The following DOCK3 variants were observed in gnomAD, a reference collection of about 807,000 sequenced individuals.
The protein encoded by DOCK3 is dedicator of cytokinesis protein 3.
A neutral mutation model predicts 265.6 loss-of-function variants in DOCK3; 60 were observed. The observed-to-expected ratio is 0.23, with a 90% CI of 0.18 to 0.28. The LOEUF is 0.28. Ranked by LOEUF, DOCK3 falls within the 10% of genes least tolerant of loss-of-function variation. The pLI is 1.00. For synonymous variants in DOCK3, 881 were observed against 938.0 expected, an observed-to-expected ratio of 0.94 and a Z score of 1.11; for missense variants, 1,981 against 2,594.3, an observed-to-expected ratio of 0.76 and a Z score of 5.14.
rs2086751853 is a variant in DOCK3 at position 51,361,739 on chromosome 3, GA to G, written c.5007-118del. 3 of 1,358,786 alleles carry G rather than the reference GA, an allele frequency of 2.2e-6. No individual in the cohort carries two copies. The South Asian group carries it at 4.3e-5, about 19-fold the overall frequency. 84.2% of individuals were successfully genotyped at this position (1,358,786 alleles called of 1,614,324 possible). On this transcript the variant is annotated intron_variant, in intron 47 of 52. Coordinates refer to ENST00000266037, the MANE Select transcript of DOCK3 (RefSeq NM_004947.5). This position sits in a 1 kb window ranked among gnomAD's most constrained non-coding sequence, Gnocchi z 4.2. ...CAGATGGGTATGAGCATTGACTATG[GA>G]ACCCTCCAAACCGGTGGTAGCTGAA... is the stretch of plus-strand genomic sequence containing the variant.
chr3:51,203,972 C>T (rs1464665996), intron 12 of DOCK3, among the ~76,000 whole-genome samples: 2 of 152,188 alleles, frequency 1.3e-5, no homozygotes, highest in African/African-American at 4.8e-5. Context: ...ATGTAGAAAG[C>T]TGAAACTGGA....
At chr3:51,090,685 G>A (rs1398786204) in intron 9 of DOCK3, among the ~76,000 whole-genome samples, 3 of 152,140 alleles carry the variant, frequency 2.0e-5, no homozygotes, top group Admixed American at 6.6e-5. Context: ...AAAGGCATAG[G>A]AGAAACATAG....
intron 5 of DOCK3, among the ~76,000 whole-genome samples, chr3:50,972,265 T>C (rs2077261577): frequency 1.3e-5 from 2 of 152,214 alleles, no homozygotes; most frequent in South Asian, 4.1e-4. Context: ...CTAATCGCCC[T>C]AGAATAGGCA....
chr3:51,075,000 C>T lies in DOCK3; in HGVS notation c.465-356C>T, dbSNP rs151081067. Among the ~76,000 whole-genome samples, 62 of 152,110 alleles carry T rather than the reference C, an allele frequency of 4.1e-4. No homozygotes were observed. The East Asian group carries it at 9.1e-3, about 22-fold the overall frequency. The stretch of plus-strand genomic sequence containing the variant: ...CTAATGAAACTAATGCATAACTAAA[C>T]CTTGAGCATAGCTGTCAGATGGGGA... On this transcript the variant is annotated intron_variant, in intron 6 of 52. Coordinates refer to ENST00000266037, the MANE Select transcript of DOCK3 (RefSeq NM_004947.5).
At chr3:50,915,377 G>A (rs185695397) in intron 4 of DOCK3, among the ~76,000 whole-genome samples, 3 of 152,136 alleles carry the variant, frequency 2.0e-5, no homozygotes, top group African/African-American at 7.2e-5. Flanking sequence ...GCTGTTGTTT[G>A]GTCCCTGGAG....
At chr3:50,718,087 T>G (rs2037240984) in intron 1 of DOCK3, among the ~76,000 whole-genome samples, 1 of 152,202 alleles carries the variant, frequency 6.6e-6, no homozygotes, top group Non-Finnish European at 1.5e-5. Flanking sequence ...TTAATCTGCC[T>G]CTCACCTTCT....
At chr3:50,982,444 G>A (rs567039767) in intron 5 of DOCK3, among the ~76,000 whole-genome samples, 1 of 152,254 alleles carries the variant, frequency 6.6e-6, no homozygotes, top group African/African-American at 2.4e-5. Flanking sequence ...CAGTGGGGAG[G>A]TGCAAGCAGT....
Position 51,089,297 on chromosome 3 carries a change from C to T in DOCK3, c.591+13C>T. On this transcript the variant is annotated intron_variant, in intron 8 of 52. Transcript: ENST00000266037. Reference sequence around the variant, plus strand: ...AAGCACATCCCAGGTAAGCGGCTTTCCTGGGTCTTCCAGCCTTTCCCCTCA... The same window carrying T: ...AAGCACATCCCAGGTAAGCGGCTTTTCTGGGTCTTCCAGCCTTTCCCCTCA... 1 of 1,606,536 alleles carries T rather than the reference C, an allele frequency of 6.2e-7. No homozygotes were observed. The highest frequency in any genetic ancestry group is 8.5e-7 in the Non-Finnish European group (1 of 1,176,382).
intron 10 of DOCK3, among the ~76,000 whole-genome samples, chr3:51,154,559 C>T (rs2085753109): frequency 6.6e-6 from 1 of 152,188 alleles, no homozygotes; most frequent in African/African-American, 2.4e-5. Flanking sequence ...TAGTAAGAGA[C>T]ACCCACCTTC....
At chr3:50,913,755 T>G (rs1428819397) in intron 4 of DOCK3, among the ~76,000 whole-genome samples, 3 of 152,058 alleles carry the variant, frequency 2.0e-5, no homozygotes, top group African/African-American at 4.8e-5. Flanking sequence ...TGCGTTAGAA[T>G]TGCTGCAAGT....
At chr3:50,783,634 C>A in intron 2 of DOCK3, among the ~76,000 whole-genome samples, 1 of 152,124 alleles carries the variant, frequency 6.6e-6, no homozygotes. Flanking sequence ...TGAAGATTTT[C>A]TCCCACTTTG....
At chr3:50,829,752 A>G (rs2045016603) in intron 2 of DOCK3, among the ~76,000 whole-genome samples, 1 of 152,200 alleles carries the variant, frequency 6.6e-6, no homozygotes, top group East Asian at 1.9e-4. Flanking sequence ...AAGTTCACAA[A>G]TATATAGTAT....
At chr3:50,683,298 G>A (rs917141867) in intron 1 of DOCK3, among the ~76,000 whole-genome samples, 9 of 152,158 alleles carry the variant, frequency 5.9e-5, no homozygotes, top group African/African-American at 2.2e-4. Flanking sequence ...ACTGTATTTA[G>A]CTCATGAGTA....
rs1365212243 is a variant in DOCK3 at position 51,354,497 on chromosome 3, G to T, written c.4108-385G>T. ...TGTCTTGATTGTTGTTGCCCTGGTT[G>T]TCACGGTACCCACATAGATTGCCCT... On this transcript the variant is annotated intron_variant, in intron 40 of 52. Transcript: ENST00000266037. Among the ~76,000 whole-genome samples the T allele has an allele frequency of 2.6e-5, 4 of 152,172 alleles. No homozygotes were observed. The South Asian group carries it at 6.2e-4, about 24-fold the overall frequency.
chr3:50,877,831 G>A (rs1177243139), intron 3 of DOCK3, among the ~76,000 whole-genome samples: 4 of 152,140 alleles, frequency 2.6e-5, no homozygotes, highest in African/African-American at 4.8e-5. Context: ...GCACCACCAC[G>A]CCTGGCTAAC....
intron 4 of DOCK3, among the ~76,000 whole-genome samples, chr3:50,901,441 A>G (rs899335688): frequency 1.3e-5 from 2 of 150,298 alleles, no homozygotes; most frequent in African/African-American, 5.0e-5. Context: ...GAGCTAGACC[A>G]CTTGGCTCTC....
intron 3 of DOCK3, among the ~76,000 whole-genome samples, chr3:50,869,273 CA>C (rs1015335273): frequency 4.7e-5 from 7 of 149,892 alleles, no homozygotes; most frequent in African/African-American, 1.7e-4. Context: ...TGCGCCCAGC[CA>C]AAACCAACTC....
intron 5 of DOCK3, among the ~76,000 whole-genome samples, chr3:50,935,893 A>G (rs995865022): frequency 6.6e-6 from 1 of 152,226 alleles, no homozygotes; most frequent in Non-Finnish European, 1.5e-5. Flanking sequence ...CCGGAGTGTC[A>G]TAGTATAATA....
intron 5 of DOCK3, among the ~76,000 whole-genome samples, chr3:50,980,579 A>G (rs995157817): frequency 4.6e-5 from 7 of 152,160 alleles, no homozygotes; most frequent in African/African-American, 1.4e-4. Context: ...CAATAAAGCC[A>G]TGCATTCCTG....
Sources: gnomAD v4.1 joint callset for allele counts (sites outside exome capture counted in the v4.1 genomes callset) on GRCh38, gnomAD v4.1.1 for gene constraint, Gnocchi (gnomAD v3.1) non-coding constraint, MANE v1.5 for transcripts, NCBI Gene and HGNC (gene_info 2026-07-23, HGNC 2026-07-21) for gene names.